The following STK39 variants were observed in gnomAD, a reference collection of about 807,000 sequenced individuals.
STK39 encodes the protein serine/threonine kinase 39, also known as STE20/SPS1-related proline-alanine-rich protein kinase.
In STK39, 20 loss-of-function variants were observed where a neutral mutation model predicts 77.8. The ratio of observed to expected loss-of-function variants is 0.26; its 90% CI spans 0.18 to 0.37. The LOEUF (loss-of-function observed/expected upper bound fraction) is 0.37. Among genes scored for constraint, STK39 ranks in the 10% least tolerant of loss-of-function variants. The pLI is 1.00. For synonymous variants in STK39, 246 were observed against 234.1 expected (o/e 1.05, Z -0.47); for missense variants, 479 against 656.5 (o/e 0.73, Z 2.95).
At chr2:168,247,038 G>A (rs1288151887) in intron 1 of STK39, among the ~76,000 whole-genome samples, 190 bp downstream of exon 1, 2 of 79,438 alleles carry the variant, frequency 2.5e-5, no homozygotes, top group African/African-American at 9.6e-5. Context: ...AACGCTCATA[G>A]AACGAACAAA....
chr2:168,185,403 C>G (rs1282419579), intron 1 of STK39, among the ~76,000 whole-genome samples: 1 of 152,174 alleles, frequency 6.6e-6, no homozygotes, highest in Non-Finnish European at 1.5e-5. Context: ...AGAACAGCTA[C>G]TTGGAAGTTT....
At chr2:168,035,857 G>A (rs1182781369) in intron 14 of STK39, among the ~76,000 whole-genome samples, 7 of 151,962 alleles carry the variant, frequency 4.6e-5, no homozygotes, top group African/African-American at 1.7e-4. Flanking sequence ...AAATCCCTAC[G>A]CCATCACACC....
intron 16 of STK39, among the ~76,000 whole-genome samples, chr2:167,996,682 T>C (rs1683849207): frequency 6.6e-6 from 1 of 152,234 alleles, no homozygotes; most frequent in Non-Finnish European, 1.5e-5. Flanking sequence ...CCTATAAGCA[T>C]GGCTGCTCTT....
At chr2:168,220,297 G>C (rs2105716436) in intron 1 of STK39, among the ~76,000 whole-genome samples, 1 of 152,176 alleles carries the variant, frequency 6.6e-6, no homozygotes, top group Admixed American at 6.5e-5. Flanking sequence ...CAACACACAT[G>C]TACTGAATAT....
At chr2:168,159,202 C>G (rs1245978237) in intron 5 of STK39, among the ~76,000 whole-genome samples, 1 of 152,128 alleles carries the variant, frequency 6.6e-6, no homozygotes, top group Non-Finnish European at 1.5e-5. Context: ...TAACTTCTCC[C>G]CTGCTTAACT....
chr2:168,004,024 G>A lies in STK39; in HGVS notation c.1498+8610C>T, dbSNP rs116490291. On this transcript the variant is annotated intron_variant, in intron 16 of 17. Coordinates refer to ENST00000355999, the MANE Select transcript of STK39 (RefSeq NM_013233.3). ...ACAGACTTAAATATCCCTGACTGTA[G>A]CAGAAAGAACAGAGCACTTCGCACA... is the stretch of plus-strand genomic sequence containing the variant. Among the ~76,000 whole-genome samples the A allele has an allele frequency of 9.9e-3, 1,509 of 152,286 alleles. 34 individuals are homozygous for A. Among genetic ancestry groups the A allele is most frequent in the African/African-American group, 0.034 (1,430 of 41,532 alleles).
At chr2:168,175,933 T>C (rs541940310) in intron 2 of STK39, among the ~76,000 whole-genome samples, 2 of 152,338 alleles carry the variant, frequency 1.3e-5, no homozygotes, top group East Asian at 3.9e-4. Context: ...GGTTGAAACC[T>C]GAAATGCTCA....
At chr2:168,141,884 C>T (rs961980952) in intron 5 of STK39, among the ~76,000 whole-genome samples, 3 of 152,126 alleles carry the variant, frequency 2.0e-5, no homozygotes, top group Non-Finnish European at 1.5e-5. Context: ...TTAGTTTATG[C>T]AATTGTAACT....
intron 10 of STK39, among the ~76,000 whole-genome samples, chr2:168,090,586 A>G (rs1358109332): frequency 1.3e-5 from 2 of 152,178 alleles, no homozygotes; most frequent in African/African-American, 2.4e-5. Context: ...ACCTCTGTGA[A>G]CCAGCACTCA....
At chr2:168,006,974 C>T (rs190034569) in intron 16 of STK39, among the ~76,000 whole-genome samples, 37 of 152,322 alleles carry the variant, frequency 2.4e-4, no homozygotes, top group Non-Finnish European at 4.6e-4. Flanking sequence ...CTTTTTGTAA[C>T]CTGTGTTTGC....
intron 10 of STK39, among the ~76,000 whole-genome samples, chr2:168,123,166 T>C (rs1206596782): frequency 6.6e-6 from 1 of 152,158 alleles, no homozygotes; most frequent in Admixed American, 6.5e-5. Context: ...TTCTATAAAA[T>C]AACTGGCCTA....
intron 14 of STK39, among the ~76,000 whole-genome samples, chr2:168,052,465 C>T (rs1388049146): frequency 1.3e-5 from 2 of 152,084 alleles, no homozygotes; most frequent in Admixed American, 6.5e-5. Flanking sequence ...ATTAATTTGC[C>T]TTGGAAAAAA....
At chr2:167,973,399 C>T (rs938217261) in intron 16 of STK39, among the ~76,000 whole-genome samples, 15 of 152,118 alleles carry the variant, frequency 9.9e-5, no homozygotes, top group African/African-American at 3.4e-4. Flanking sequence ...AGCCATGCCC[C>T]CTAGCTATGC....
At chr2:168,118,384 A>C (rs911021305) in intron 10 of STK39, among the ~76,000 whole-genome samples, 1 of 152,162 alleles carries the variant, frequency 6.6e-6, no homozygotes, top group Non-Finnish European at 1.5e-5. Context: ...AGTATCTCTT[A>C]CAATAATTTC....
At position 168,145,822 on chromosome 2, in the gene STK39, T is replaced by C. The variant is rs367752877; in HGVS notation, c.629-5064A>G. Among the ~76,000 whole-genome samples the C allele has an allele frequency of 4.9e-4, 75 of 152,248 alleles. No individual in the cohort carries two copies. The East Asian group carries it at 0.01, about 20-fold the overall frequency. On this transcript the variant is annotated intron_variant, in intron 5 of 17. Coordinates refer to ENST00000355999, the MANE Select transcript of STK39 (RefSeq NM_013233.3). ...TGCCAGAGGCAGCTGCTGGAAGTAT[T>C]TCTATTATCCAAATCTAAATATAGA...
chr2:168,226,520 C>T (rs1425671324), intron 1 of STK39, among the ~76,000 whole-genome samples: 1 of 152,200 alleles, frequency 6.6e-6, no homozygotes, highest in Non-Finnish European at 1.5e-5. Flanking sequence ...TACAAATAAA[C>T]TTCATCACAC....
intron 2 of STK39, among the ~76,000 whole-genome samples, chr2:168,169,306 GC>G (rs1688765232): frequency 6.6e-6 from 1 of 152,136 alleles, no homozygotes; most frequent in East Asian, 1.9e-4. Context: ...TCTGCTCAGT[GC>G]GGGGATGGCC....
intron 14 of STK39, among the ~76,000 whole-genome samples, chr2:168,063,175 TCTTA>T (rs1192336489): frequency 5.3e-5 from 8 of 149,968 alleles, no homozygotes; most frequent in African/African-American, 7.4e-5. Flanking sequence ...ATTAAAAATC[TCTTA>T]CTGTGATCTT....
At chr2:168,103,947 C>T (rs1291811797) in intron 10 of STK39, among the ~76,000 whole-genome samples, 1 of 152,168 alleles carries the variant, frequency 6.6e-6, no homozygotes, top group Admixed American at 6.5e-5. Flanking sequence ...CCACAAATGT[C>T]AATCAGTTCA....
Sources: allele counts gnomAD v4.1 joint callset (sites outside exome capture counted in the v4.1 genomes callset), GRCh38; gene constraint gnomAD v4.1.1; transcripts MANE v1.5; gene names NCBI Gene and HGNC (gene_info 2026-07-23, HGNC 2026-07-21).